The following GTF3C2 variants were observed in gnomAD, a reference collection of about 807,000 sequenced individuals.
The protein encoded by GTF3C2 is general transcription factor IIIC subunit 2, also known as general transcription factor 3C polypeptide 2.
In GTF3C2, 17 loss-of-function variants were observed where a neutral mutation model predicts 117.4. The ratio of observed to expected loss-of-function variants is 0.14; its 90% CI spans 0.10 to 0.22. The LOEUF (loss-of-function observed/expected upper bound fraction) is 0.22. Among genes scored for constraint, GTF3C2 ranks in the 10% least tolerant of loss-of-function variants. The pLI is 1.00. For synonymous variants in GTF3C2, 437 were observed against 427.0 expected (o/e 1.02, Z -0.29); for missense variants, 888 against 1,143.6 (o/e 0.78, Z 3.22).
chr2:27,331,274 G>C (rs1035116988), intron 12 of GTF3C2, among the ~76,000 whole-genome samples: 1 of 152,206 alleles, frequency 6.6e-6, no homozygotes, highest in East Asian at 1.9e-4. Flanking sequence ...AGACGTGTAA[G>C]AGTGCTAATT....
chr2:27,336,251 C>T (rs760837900), exon 8 of GTF3C2: 7 of 1,613,948 alleles, frequency 4.3e-6, no homozygotes, highest in South Asian at 1.1e-5. Context: ...GCCCAGGACC[C>T]GAATGAAGCT....
At chr2:27,336,481 C>T (rs924143360) in intron 7 of GTF3C2, 56 bp from the exon 8 acceptor site, 1 of 1,047,192 alleles carries the variant, frequency 9.5e-7, no homozygotes, top group African/African-American at 1.6e-5. Flanking sequence ...GTAATGAGGA[C>T]TGAATGGGCG....
rs193258272 is a variant in GTF3C2, at chr2:27,334,804, G to A, written c.1576+794C>T. 4.9e-3 allele frequency among the ~76,000 whole-genome samples: 750 copies of A among 151,898 alleles called. 4 individuals are homozygous for A. In the Middle Eastern group the frequency reaches 0.065, roughly 13 times the overall value. ...ATTACAGGCATGCACCACTATGTTC[G>A]GCTACTTTTAAAAATTTTTTTGTCG... On this transcript the variant is annotated intron_variant, in intron 10 of 18. Coordinates refer to ENST00000264720, the Ensembl canonical transcript of GTF3C2.
chr2:27,346,676 T>C (rs984172824), intron 1 of GTF3C2, among the ~76,000 whole-genome samples: 1 of 151,736 alleles, frequency 6.6e-6, no homozygotes, highest in African/African-American at 2.4e-5. Context: ...CCTTGCCTTT[T>C]TTAATTTTTA....
rs367990509 is a variant in GTF3C2, at chr2:27,344,316, C to T, written c.-24-738G>A. On this transcript the variant is annotated intron_variant, in intron 1 of 18. Coordinates refer to ENST00000264720, the Ensembl canonical transcript of GTF3C2. Reference sequence around the variant, plus strand: ...TGGGATTACAGATAATGAGTCACTGCGCCTGGCCATAAAGCTTCCATTTAT... The same window carrying T: ...TGGGATTACAGATAATGAGTCACTGTGCCTGGCCATAAAGCTTCCATTTAT... Among the ~76,000 whole-genome samples, 307 of 152,212 alleles carry T rather than the reference C, an allele frequency of 2.0e-3. 1 individual carries two copies. The highest frequency in any genetic ancestry group is 6.8e-3 in the Middle Eastern group (2 of 294).
chr2:27,342,753 C>A, intron 3 of GTF3C2, 73 bp downstream of exon 3: 1 of 1,144,930 alleles, frequency 8.7e-7, no homozygotes. Flanking sequence ...TCAGTCTTCT[C>A]TCTCCAACAT....
chr2:27,335,933 G>T lies in GTF3C2; in HGVS notation c.1451C>A (p.Pro484Gln), dbSNP rs1429704877. ...GGGAAGTACCTTCCGAGGGGTGCCT[G>T]GAAGTTCCCATGCTCCACTGGGGCA... Residue 484 changes from proline (P) to glutamine (Q), a missense_variant, in exon 9 of 19, where the codon CCA (proline) becomes CAA (glutamine). Coordinates refer to ENST00000264720, the Ensembl canonical transcript of GTF3C2. The T allele has an allele frequency of 1.9e-6, 3 of 1,608,022 alleles. No individual in the cohort carries two copies. In the East Asian group the frequency reaches 6.7e-5, roughly 36 times the overall value.
At chr2:27,330,252 G>A (rs1250873337) in intron 12 of GTF3C2, among the ~76,000 whole-genome samples, 2 of 151,702 alleles carry the variant, frequency 1.3e-5, no homozygotes, top group Non-Finnish European at 2.9e-5. Context: ...GAGGTCAGGA[G>A]TTCAAGACCA....
At chr2:27,326,339 C>T in exon 19 of GTF3C2, 1 of 463,868 alleles carries the variant, frequency 2.2e-6, no homozygotes, top group South Asian at 1.9e-5. Flanking sequence ...CAAAAACACC[C>T]AGTACCTTTA....
At chr2:27,333,436 T>C (rs1451777040) in intron 12 of GTF3C2, among the ~76,000 whole-genome samples, 1 of 152,114 alleles carries the variant, frequency 6.6e-6, no homozygotes, top group Non-Finnish European at 1.5e-5. Context: ...ATTATAGGCG[T>C]GAGCTACCGC....
Position 27,326,061 on chromosome 2 carries a change from AC to A in GTF3C2, c.*613del. ...AGGAGTGTTCAAGTAGGGTCAGATG[AC>A]CAGTGATTGGGAATACTTCGTAAGC... On this transcript the variant is annotated 3_prime_UTR_variant, in exon 19 of 19. Coordinates refer to ENST00000264720, the Ensembl canonical transcript of GTF3C2. 1.1e-5 allele frequency: 4 copies of A among 378,344 alleles called. 1 individual carries two copies. Among genetic ancestry groups the A allele is most frequent in the South Asian group, 8.2e-5 (4 of 48,664 alleles). 23.4% of individuals were successfully genotyped at this position (378,344 alleles called of 1,614,324 possible). A position where few individuals can be genotyped will look rare whatever the true frequency, so the allele number is the denominator to read the frequency against.
chr2:27,328,642 G>A (rs757712781), intron 15 of GTF3C2, 46 bp from the exon 16 acceptor site: 3 of 1,513,670 alleles, frequency 2.0e-6, no homozygotes, highest in East Asian at 2.3e-5. Context: ...TTCATTCAGA[G>A]CTATGAACTG....
At chr2:27,326,179 C>T (rs1239922019) in exon 19 of GTF3C2, 9 of 471,080 alleles carry the variant, frequency 1.9e-5, no homozygotes, top group African/African-American at 8.0e-5. Context: ...TTCAGTCTCA[C>T]GAATTACTAT....
intron 4 of GTF3C2, chr2:27,339,450 C>A (rs1002969338): frequency 6.6e-6 from 1 of 150,434 alleles, no homozygotes; most frequent in Non-Finnish European, 1.5e-5. Context: ...CAGTAAAGAT[C>A]CTGTCTTTAT....
Position 27,328,457 on chromosome 2 carries a change from C to A in GTF3C2, c.2256+11G>T. ...GATCCAACAGCTGCTGTTAGATGTT[C>A]GTATACGTACAAATCTTCGCTCTAC... On this transcript the variant is annotated intron_variant, in intron 16 of 18. Coordinates refer to ENST00000264720, the Ensembl canonical transcript of GTF3C2. 1 of 1,613,776 alleles carries A rather than the reference C, an allele frequency of 6.2e-7. No homozygotes were observed. Among genetic ancestry groups the A allele is most frequent in the South Asian group, 1.1e-5 (1 of 91,046 alleles).
At position 27,329,596 on chromosome 2, in the gene GTF3C2, C is replaced by A; in HGVS notation, c.1733-73G>T. 2.1e-6 allele frequency: 3 copies of A among 1,441,762 alleles called. No homozygotes were observed. Among genetic ancestry groups the A allele is most frequent in the Admixed American group, 1.8e-5 (1 of 54,588 alleles). 89.3% of individuals were successfully genotyped at this position (1,441,762 alleles called of 1,614,324 possible). ...CCTTGCTCTAATTTCTTTCTCTGGG[C>A]TCCTAGGACCTTTGTCTTCTACCCT... On this transcript the variant is annotated intron_variant, in intron 12 of 18. Transcript: ENST00000264720. The surrounding 1 kb of genome is among the most constrained non-coding windows in gnomAD (Gnocchi z 4.5).
At chr2:27,342,293 G>C in intron 3 of GTF3C2, 60 bp from the exon 4 acceptor site, 1 of 1,407,354 alleles carries the variant, frequency 7.1e-7, no homozygotes, top group Non-Finnish European at 9.7e-7. Context: ...CACGTTTCCA[G>C]ACATGGTTGA....
chr2:27,342,620 A>G (rs1680775521), intron 3 of GTF3C2: 2 of 586,298 alleles, frequency 3.4e-6, no homozygotes, highest in Admixed American at 3.1e-5. Flanking sequence ...CATAAAGTAC[A>G]GACAATAATT....
intron 1 of GTF3C2, among the ~76,000 whole-genome samples, chr2:27,346,110 T>C (rs1680908390): frequency 7.0e-6 from 1 of 143,444 alleles, no homozygotes; most frequent in Admixed American, 7.1e-5. Flanking sequence ...TGCAGCCTTG[T>C]CCTCCAGAGC....
Sources: allele counts gnomAD v4.1 joint callset (sites outside exome capture counted in the v4.1 genomes callset), GRCh38; gene constraint gnomAD v4.1.1; non-coding constraint Gnocchi (gnomAD v3.1); transcripts MANE v1.5; gene names NCBI Gene and HGNC (gene_info 2026-07-23, HGNC 2026-07-21).